TNR: variants seen among roughly 807,000 people sequenced by gnomAD.
TNR encodes the protein tenascin R, also known as tenascin-R.
TNR carries 45 observed loss-of-function variants against 150.4 expected under a neutral mutation model. That is an observed-to-expected ratio of 0.30 (90% CI 0.24 to 0.38). The LOEUF is 0.38. TNR is among the 10% of genes least tolerant of loss of function. The pLI is 1.00. For synonymous variants in TNR, 687 were observed against 678.4 expected, an observed-to-expected ratio of 1.01 and a Z score of -0.20; for missense variants, 1,544 against 1,759.1, an observed-to-expected ratio of 0.88 and a Z score of 2.19.
At chr1:175,657,119 G>A (rs1665201561) in intron 1 of TNR, among the ~76,000 whole-genome samples, 1 of 152,210 alleles carries the variant, frequency 6.6e-6, no homozygotes, top group South Asian at 2.1e-4. Context: ...GTGGTTCTCA[G>A]AAGCAGAGGA....
chr1:175,478,450 C>G (rs1657642543), intron 2 of TNR, among the ~76,000 whole-genome samples: 1 of 152,204 alleles, frequency 6.6e-6, no homozygotes, highest in East Asian at 1.9e-4. Flanking sequence ...GCTCTCTGTG[C>G]ATCCACTTCT....
chr1:175,406,728 G>A lies in TNR; in HGVS notation c.-14C>T, dbSNP rs1653984190. On this transcript the variant is annotated 5_prime_UTR_variant, in exon 3 of 23. Coordinates refer to ENST00000367674, the MANE Select transcript of TNR (RefSeq NM_003285.3). Reference sequence around the variant, plus strand: ...ATCTGCCCCCATCCTCTCAGCCAGAGATCTGGGTTCAGGACCAGCCTGCAG... The same window carrying A: ...ATCTGCCCCCATCCTCTCAGCCAGAAATCTGGGTTCAGGACCAGCCTGCAG... 1.2e-6 allele frequency: 2 copies of A among 1,611,436 alleles called. No individual in the cohort carries two copies. The highest frequency in any genetic ancestry group is 8.5e-7 in the Non-Finnish European group (1 of 1,178,676).
chr1:175,726,242 G>A (rs539945949), intron 1 of TNR, among the ~76,000 whole-genome samples: 1 of 152,138 alleles, frequency 6.6e-6, no homozygotes, highest in Non-Finnish European at 1.5e-5. Context: ...CTAATCATCT[G>A]TTACTCAGAT....
intron 2 of TNR, among the ~76,000 whole-genome samples, chr1:175,527,741 A>AGAAAAAGG: frequency 1.3e-5 from 2 of 152,208 alleles, no homozygotes; most frequent in South Asian, 4.1e-4. Flanking sequence ...TTAGACATAT[A>AGAAAAAGG]TATGTGGTAT....
At chr1:175,645,243 T>C (rs904072948) in intron 1 of TNR, among the ~76,000 whole-genome samples, 2 of 152,292 alleles carry the variant, frequency 1.3e-5, no homozygotes, top group South Asian at 2.1e-4. Flanking sequence ...AAAACACATA[T>C]ATACATTAAA....
chr1:175,406,221 G>A lies in TNR; in HGVS notation c.494C>T (p.Ala165Val), dbSNP rs780595107. 5.6e-6 allele frequency: 9 copies of A among 1,613,528 alleles called. No homozygotes were observed. The Admixed American group carries it at 1.0e-4, about 18-fold the overall frequency. ...CNANCCQESA[A>V]TGQLDYIPHC... ...TGCGAGCTCCCGGACTCTACCTGTG[G>A]CAGCACTTTCTTGGCAGCAGTTGGC... The change falls in exon 3 of 23, where the codon GCC (alanine) becomes GTC (valine). Residue 165 changes from alanine to valine, a missense_variant. Ala to Val is a moderately conservative substitution (Grantham distance 64). This residue lies in a region of TNR where 1,254 missense variants were observed against 1,329.4 expected (regional missense o/e 0.94). Transcript: ENST00000367674.
intron 2 of TNR, among the ~76,000 whole-genome samples, chr1:175,437,731 T>G (rs1571438528): frequency 6.6e-6 from 1 of 152,000 alleles, no homozygotes; most frequent in East Asian, 1.9e-4. Flanking sequence ...AAACTACCAT[T>G]AGAGAATACT....
chr1:175,707,557 T>C (rs1666875184), intron 1 of TNR, among the ~76,000 whole-genome samples: 1 of 152,210 alleles, frequency 6.6e-6, no homozygotes, highest in African/African-American at 2.4e-5. Context: ...GATCTGCCTT[T>C]AGAGGGTACA....
chr1:175,458,499 G>A (rs72725412), intron 2 of TNR, among the ~76,000 whole-genome samples: 7 of 152,330 alleles, frequency 4.6e-5, no homozygotes, highest in Middle Eastern at 3.4e-3. Flanking sequence ...AATGAGTAAG[G>A]TTTGAGGAGG....
chr1:175,574,414 A>G (rs1456417603), intron 1 of TNR, among the ~76,000 whole-genome samples: 1 of 152,198 alleles, frequency 6.6e-6, no homozygotes, highest in Non-Finnish European at 1.5e-5. Flanking sequence ...AATGAAAGAA[A>G]AGATGGGAGT....
intron 2 of TNR, among the ~76,000 whole-genome samples, chr1:175,508,061 G>A (rs867408139): frequency 6.6e-6 from 1 of 152,116 alleles, no homozygotes; most frequent in South Asian, 2.1e-4. Flanking sequence ...GTTGAACAAT[G>A]AGAACACATA....
chr1:175,707,793 C>T (rs1666881356), intron 1 of TNR, among the ~76,000 whole-genome samples: 1 of 152,154 alleles, frequency 6.6e-6, no homozygotes, highest in South Asian at 2.1e-4. Flanking sequence ...CAAACTCTCT[C>T]TCTCAGTAAA....
Position 175,536,877 on chromosome 1 carries a change from C to T in TNR, c.-164-8508G>A, listed in dbSNP as rs77643125. Among the ~76,000 whole-genome samples the T allele has an allele frequency of 7.1e-3, 1,087 of 152,304 alleles. 13 individuals carry two copies. Among genetic ancestry groups the T allele is most frequent in the African/African-American group, 0.025 (1,035 of 41,560 alleles). The stretch of plus-strand genomic sequence containing the variant: ...CACTAACCCCCAATTCATGTTTGGG[C>T]CCCATATTGGGAATGTCCTTCTTGG... On this transcript the variant is annotated intron_variant, in intron 1 of 22. Transcript: ENST00000367674.
intron 1 of TNR, among the ~76,000 whole-genome samples, chr1:175,696,452 A>T (rs1280266167): frequency 6.6e-6 from 1 of 152,104 alleles, no homozygotes; most frequent in Non-Finnish European, 1.5e-5. Flanking sequence ...CAGATGGTAC[A>T]CTGCAAATAG....
At chr1:175,565,812 T>C (rs1183702100) in intron 1 of TNR, among the ~76,000 whole-genome samples, 2 of 152,196 alleles carry the variant, frequency 1.3e-5, no homozygotes, top group African/African-American at 4.8e-5. Flanking sequence ...TTATGGTGTA[T>C]CATACAATGA....
At chr1:175,434,616 G>A (rs1220347462) in intron 2 of TNR, among the ~76,000 whole-genome samples, 1 of 152,066 alleles carries the variant, frequency 6.6e-6, no homozygotes, top group Non-Finnish European at 1.5e-5. Context: ...TCATTAACTC[G>A]ACAATAAAAG....
intron 1 of TNR, among the ~76,000 whole-genome samples, chr1:175,542,195 A>G (rs1300225808): frequency 1.3e-5 from 2 of 152,148 alleles, no homozygotes; most frequent in Admixed American, 6.5e-5. Context: ...AAATAAAAGA[A>G]TTCTTCCAAC....
intron 2 of TNR, among the ~76,000 whole-genome samples, chr1:175,416,708 G>A (rs1373835675): frequency 6.6e-6 from 1 of 152,078 alleles, no homozygotes; most frequent in Non-Finnish European, 1.5e-5. Flanking sequence ...TGAGAAATTG[G>A]TTTGAAATAT....
At chr1:175,543,152 G>A (rs529090813) in intron 1 of TNR, among the ~76,000 whole-genome samples, 1 of 152,278 alleles carries the variant, frequency 6.6e-6, no homozygotes, top group African/African-American at 2.4e-5. Context: ...TAGAGGAAAC[G>A]AAACAGTGAG....
Sources: allele counts gnomAD v4.1 joint callset (sites outside exome capture counted in the v4.1 genomes callset), GRCh38; gene constraint gnomAD v4.1.1; regional missense constraint gnomAD v4.1.1; transcripts MANE v1.5; gene names NCBI Gene and HGNC (gene_info 2026-07-23, HGNC 2026-07-21).